Variants in SORL1 observed in about 807,000 individuals in gnomAD.
SORL1 encodes the protein sortilin-related receptor.
SORL1 carries 127 observed loss-of-function variants against 273.7 expected under a neutral mutation model. The ratio of observed to expected loss-of-function variants is 0.46; its 90% confidence interval spans 0.40 to 0.54. The LOEUF is 0.54. SORL1 is among the 20% of genes least tolerant of loss of function. The probability of loss-of-function intolerance (pLI) is 0.00; values close to 1 mark genes in which losing one functional copy is unlikely to be tolerated. For missense variants in SORL1, 2,494 were observed against 2,846.1 expected (o/e 0.88, Z 2.81); for synonymous variants, 1,031 against 1,067.4 (o/e 0.97, Z 0.66).
chr11:121,456,188 G>A (rs772201085), intron 1 of SORL1, among the ~76,000 whole-genome samples: 3 of 152,188 alleles, frequency 2.0e-5, no homozygotes, highest in Non-Finnish European at 2.9e-5. Flanking sequence ...TGCCTGGGAA[G>A]CTCTTATTCC....
At chr11:121,500,484 TGAA>T (rs1861694290) in intron 6 of SORL1, among the ~76,000 whole-genome samples, 1 of 152,226 alleles carries the variant, frequency 6.6e-6, no homozygotes, top group Non-Finnish European at 1.5e-5. Flanking sequence ...TTTTTGTAAA[TGAA>T]GTTTTACTGG....
chr11:121,460,352 G>T (rs1860977188), intron 1 of SORL1, among the ~76,000 whole-genome samples: 1 of 150,924 alleles, frequency 6.6e-6, no homozygotes, highest in Non-Finnish European at 1.5e-5. Context: ...ATTTCCTTCT[G>T]ACTTTGGGGG....
intron 16 of SORL1, among the ~76,000 whole-genome samples, chr11:121,551,028 C>A (rs915699160): frequency 6.6e-6 from 1 of 152,142 alleles, no homozygotes; most frequent in African/African-American, 2.4e-5. Context: ...TGTGTGACTT[C>A]TTAGGAAGTA....
chr11:121,590,602 C>T, intron 30 of SORL1: 1 of 588,912 alleles, frequency 1.7e-6, no homozygotes, highest in Non-Finnish European at 3.0e-6. Context: ...CCTTTCCTTT[C>T]TGGCATTCTC....
intron 11 of SORL1, among the ~76,000 whole-genome samples, chr11:121,531,878 A>G (rs73014818): frequency 5.9e-5 from 9 of 152,296 alleles, no homozygotes; most frequent in Non-Finnish European, 1.0e-4. Context: ...TATCTATTGC[A>G]GTTTTAGCTG....
At chr11:121,555,157 T>TA (rs755244298) in intron 17 of SORL1, 30 bp from the exon 18 acceptor site, 2 of 1,606,680 alleles carry the variant, frequency 1.2e-6, no homozygotes, top group African/African-American at 2.7e-5. Flanking sequence ...GAACAGTTCC[T>TA]AGCATTTATT....
chr11:121,455,712 G>A (rs1860890640), intron 1 of SORL1, among the ~76,000 whole-genome samples: 2 of 152,360 alleles, frequency 1.3e-5, no homozygotes, highest in South Asian at 4.1e-4. Flanking sequence ...GGACTTTTCT[G>A]CCCATGTTCA....
chr11:121,622,276 C>A lies in SORL1; in HGVS notation c.6171+8C>A. On this transcript the variant is annotated splice_region_variant and intron_variant, in intron 45 of 47. Transcript: ENST00000260197. ...CATTTTAATGAAAGCAGGGTAAGTT[C>A]CTCCCTCATTCTCAATGACTTTGGA... is the stretch of plus-strand genomic sequence containing the variant. 1 of 1,518,042 alleles carries A rather than the reference C, an allele frequency of 6.6e-7. No individual in the cohort carries two copies. The highest frequency in any genetic ancestry group is 2.3e-5 in the East Asian group (1 of 44,410). The allele number at this position is 1,518,042 out of a possible 1,614,324, so 94.0% of individuals were successfully genotyped here.
chr11:121,549,388 AT>A (rs140094870), intron 14 of SORL1, among the ~76,000 whole-genome samples: 8 of 150,842 alleles, frequency 5.3e-5, no homozygotes, highest in African/African-American at 9.7e-5. Flanking sequence ...ATACCTGGCT[AT>A]TTTTTTTTAT....
At chr11:121,605,789 C>T (rs914330900) in intron 35 of SORL1, among the ~76,000 whole-genome samples, 1 of 152,250 alleles carries the variant, frequency 6.6e-6, no homozygotes, top group South Asian at 2.1e-4. Context: ...TTAAGATTCT[C>T]TCCACCATTG....
At chr11:121,585,574 CAAAAAG>C (rs1863088118) in intron 26 of SORL1, among the ~76,000 whole-genome samples, 1 of 149,920 alleles carries the variant, frequency 6.7e-6, no homozygotes, top group Admixed American at 6.6e-5. Context: ...AGAAAAGATA[CAAAAAG>C]ATATAATCTC....
intron 32 of SORL1, among the ~76,000 whole-genome samples, chr11:121,603,259 T>C (rs1863421097): frequency 6.6e-6 from 1 of 152,178 alleles, no homozygotes; most frequent in African/African-American, 2.4e-5. Context: ...ACTGGTGGGA[T>C]TGGATTTCTG....
intron 8 of SORL1, among the ~76,000 whole-genome samples, chr11:121,515,805 C>G (rs1249814237): frequency 6.6e-6 from 1 of 152,076 alleles, no homozygotes; most frequent in Non-Finnish European, 1.5e-5. Context: ...GTGTGCACCA[C>G]CAGGCCAGGC....
intron 9 of SORL1, 50 bp from the exon 10 acceptor site, chr11:121,522,536 G>A (rs1428170488): frequency 1.5e-5 from 20 of 1,358,750 alleles, no homozygotes; most frequent in Admixed American, 5.0e-5. Flanking sequence ...TACAGGGAAC[G>A]CTAGGCATGG....
At chr11:121,504,196 G>A (rs1861754702) in intron 6 of SORL1, among the ~76,000 whole-genome samples, 1 of 152,110 alleles carries the variant, frequency 6.6e-6, no homozygotes. Context: ...GGCGGATCAC[G>A]AGGCCAGGAG....
At chr11:121,487,127 G>A (rs1180893885) in intron 3 of SORL1, among the ~76,000 whole-genome samples, 1 of 152,186 alleles carries the variant, frequency 6.6e-6, no homozygotes, top group Non-Finnish European at 1.5e-5. Context: ...GCCTGGAGAG[G>A]CACTCATAGG....
Position 121,452,538 on chromosome 11 carries a change from G to A in SORL1, c.207G>A (p.Ala69=). 6.7e-7 allele frequency: 1 copy of A among 1,490,312 alleles called. No homozygotes were observed. 92.3% of individuals were successfully genotyped at this position (1,490,312 alleles called of 1,614,324 possible). The change falls in exon 1 of 48, where the codon GCG becomes GCA. Residue 69 remains alanine (A), a synonymous_variant. Coordinates refer to ENST00000260197, the MANE Select transcript of SORL1 (RefSeq NM_003105.6). This position sits in a 1 kb window ranked among gnomAD's most constrained non-coding sequence, Gnocchi z 5.3. The part of the protein sequence containing the change: ...RLWARGDARG[A]SRADEKPLRR... ...GGGCGCGCGGGGATGCCAGGGGGGC[G>A]AGCCGCGCGGACGAGAAGCCGCTCC... is the stretch of plus-strand genomic sequence containing the variant.
intron 11 of SORL1, among the ~76,000 whole-genome samples, chr11:121,529,594 T>G (rs1447868928): frequency 6.6e-6 from 1 of 152,054 alleles, no homozygotes; most frequent in Non-Finnish European, 1.5e-5. Context: ...TTTTTTTCTC[T>G]TTTTTGAAGT....
intron 24 of SORL1, among the ~76,000 whole-genome samples, chr11:121,574,948 G>A (rs1238949023): frequency 3.3e-5 from 5 of 151,958 alleles, no homozygotes; most frequent in Non-Finnish European, 7.4e-5. Flanking sequence ...TCTGTGAACT[G>A]TTCTTTTTTT....
Sources: gnomAD v4.1 joint callset for allele counts (sites outside exome capture counted in the v4.1 genomes callset) on GRCh38, gnomAD v4.1.1 for gene constraint, Gnocchi (gnomAD v3.1) non-coding constraint, MANE v1.5 for transcripts, NCBI Gene and HGNC (gene_info 2026-07-23, HGNC 2026-07-21) for gene names.